SEMA6D: variants seen among roughly 807,000 people sequenced by gnomAD.
SEMA6D encodes the protein semaphorin 6D, also known as semaphorin-6D.
A neutral mutation model predicts 106.6 loss-of-function variants in SEMA6D; 35 were observed. The ratio of observed to expected loss-of-function variants is 0.33; its 90% confidence interval spans 0.25 to 0.44. The LOEUF is 0.44. SEMA6D is among the 20% of genes least tolerant of loss of function. The pLI is 1.00. For missense variants in SEMA6D, 1,185 were observed against 1,345.9 expected (o/e 0.88, Z 1.87); for synonymous variants, 499 against 487.7 (o/e 1.02, Z -0.31).
chr15:47,482,883 T>C (rs2043192674), intron 3 of SEMA6D, among the ~76,000 whole-genome samples: 1 of 152,178 alleles, frequency 6.6e-6, no homozygotes. Flanking sequence ...TAACTATTAT[T>C]TCAACACTTT....
chr15:47,689,007 A>G (rs73392887), intron 4 of SEMA6D, among the ~76,000 whole-genome samples: 7,608 of 152,266 alleles, frequency 0.05, 648 homozygotes, highest in African/African-American at 0.17. Context: ...TTGAATCATT[A>G]CAAATATAAT....
Position 47,601,097 on chromosome 15 carries a change from TGAGAGAGA to T in SEMA6D, c.-55+214_-55+221del, listed in dbSNP as rs144757309. Among the ~76,000 whole-genome samples the T allele has an allele frequency of 1.8e-3, 272 of 148,218 alleles. 2 individuals are homozygous for T. Among genetic ancestry groups the T allele is most frequent in the Middle Eastern group, 3.4e-3 (1 of 290 alleles). On this transcript the variant is annotated intron_variant, in intron 4 of 19. Coordinates refer to the SEMA6D transcript ENST00000558014. ...TCTTAAGAGAAATAGAGAGAGAGAA[TGAGAGAGA>T]GAGAGAGAGAGAAAGAGAGAGAGAG... is the stretch of plus-strand genomic sequence containing the variant.
intron 3 of SEMA6D, among the ~76,000 whole-genome samples, chr15:47,522,979 A>G (rs1327288951): frequency 1.3e-5 from 2 of 152,316 alleles, no homozygotes; most frequent in Middle Eastern, 3.4e-3. Flanking sequence ...GCACAAAGCT[A>G]TAGAATATTG....
chr15:47,687,911 G>A (rs1322147912), intron 4 of SEMA6D, among the ~76,000 whole-genome samples: 1 of 152,128 alleles, frequency 6.6e-6, no homozygotes, highest in Non-Finnish European at 1.5e-5. Flanking sequence ...TTTAAAAAGA[G>A]AAAATAAGGG....
At chr15:47,302,099 T>TA (rs1446580516) in intron 1 of SEMA6D, among the ~76,000 whole-genome samples, 1 of 152,120 alleles carries the variant, frequency 6.6e-6, no homozygotes, top group African/African-American at 2.4e-5. Context: ...TTAATTCTTG[T>TA]AAAATCCCTG....
intron 3 of SEMA6D, among the ~76,000 whole-genome samples, chr15:47,583,593 A>G (rs1050098705): frequency 3.8e-4 from 58 of 152,146 alleles, no homozygotes; most frequent in African/African-American, 1.4e-3. Context: ...TTTTAAAAGT[A>G]GTCACTCCTA....
chr15:47,287,150 A>G (rs1459272102), intron 1 of SEMA6D, among the ~76,000 whole-genome samples: 1 of 152,202 alleles, frequency 6.6e-6, no homozygotes, highest in Admixed American at 6.5e-5. Context: ...TGGGAAGAAT[A>G]AAAGATCTGT....
chr15:47,397,537 C>T (rs2040256315), intron 1 of SEMA6D: 1 of 90,362 alleles, frequency 1.1e-5, no homozygotes, highest in African/African-American at 3.7e-5. Context: ...CTCTCAGAGT[C>T]TTTCTGAACT....
intron 4 of SEMA6D, among the ~76,000 whole-genome samples, chr15:47,693,598 T>A (rs921820397): frequency 6.6e-6 from 1 of 152,104 alleles, no homozygotes; most frequent in Non-Finnish European, 1.5e-5. Flanking sequence ...CTGGAAAGTT[T>A]TGAAAAATTT....
At chr15:47,376,355 C>A (rs1055554472) in intron 1 of SEMA6D, among the ~76,000 whole-genome samples, 26 of 152,202 alleles carry the variant, frequency 1.7e-4, no homozygotes, top group African/African-American at 5.8e-4. Flanking sequence ...CTGAGCACAG[C>A]AAGAAATCCA....
chr15:47,245,030 GTT>G (rs71425590), intron 1 of SEMA6D, among the ~76,000 whole-genome samples: 4 of 147,936 alleles, frequency 2.7e-5, no homozygotes, highest in East Asian at 4.0e-4. Flanking sequence ...ACATGATTTT[GTT>G]TTTTTTTTTC....
intron 3 of SEMA6D, among the ~76,000 whole-genome samples, chr15:47,528,620 C>G (rs1364013115): frequency 2.0e-5 from 3 of 152,180 alleles, no homozygotes; most frequent in Non-Finnish European, 2.9e-5. Flanking sequence ...TAAGGCCCAC[C>G]ACCATGTAGC....
At chr15:47,343,238 T>G (rs886462021) in intron 1 of SEMA6D, among the ~76,000 whole-genome samples, 6 of 147,480 alleles carry the variant, frequency 4.1e-5, no homozygotes, top group African/African-American at 1.3e-4. Flanking sequence ...AACGATGGAT[T>G]AGTTGGATTT....
chr15:47,316,635 A>G (rs1036382673), intron 1 of SEMA6D, among the ~76,000 whole-genome samples: 2 of 133,738 alleles, frequency 1.5e-5, no homozygotes, highest in Non-Finnish European at 3.2e-5. Flanking sequence ...ATAAATGGTT[A>G]TTGGATGTTG....
At chr15:47,324,245 T>C (rs2037037693) in intron 1 of SEMA6D, among the ~76,000 whole-genome samples, 1 of 152,200 alleles carries the variant, frequency 6.6e-6, no homozygotes, top group South Asian at 2.1e-4. Context: ...CATATTAATA[T>C]TTTGTTATAC....
chr15:47,600,273 G>A (rs145691902), intron 3 of SEMA6D, among the ~76,000 whole-genome samples: 1 of 152,140 alleles, frequency 6.6e-6, no homozygotes, highest in East Asian at 1.9e-4. Flanking sequence ...TAGAATTGAT[G>A]GAGTAACTGA....
intron 2 of SEMA6D, among the ~76,000 whole-genome samples, chr15:47,418,244 C>A (rs558635403): frequency 1.3e-5 from 2 of 152,016 alleles, no homozygotes; most frequent in Admixed American, 1.3e-4. Flanking sequence ...AGCTCTGAGA[C>A]AAGAGAATGG....
rs144788987 is a variant in SEMA6D at position 47,375,473 on chromosome 15, G to GA, written c.-238-36916dup. On this transcript the variant is annotated intron_variant, in intron 1 of 19. Coordinates refer to the SEMA6D transcript ENST00000558014. ...CTCTGGTATGCTTATTTACATCAAA[G>GA]AAAACTACTTGTTTTACTTTTTTTC... Among the ~76,000 whole-genome samples the GA allele has an allele frequency of 5.9e-3, 890 of 152,118 alleles. 5 individuals are homozygous for GA. Among genetic ancestry groups the GA allele is most frequent in the East Asian group, 0.048 (250 of 5,172 alleles).
At chr15:47,441,961 T>G (rs1222012501) in intron 2 of SEMA6D, among the ~76,000 whole-genome samples, 1 of 152,054 alleles carries the variant, frequency 6.6e-6, no homozygotes. Flanking sequence ...TTAAGCAGGT[T>G]TTTAATCCAT....
Sources: gnomAD v4.1 joint callset for allele counts (sites outside exome capture counted in the v4.1 genomes callset) on GRCh38, gnomAD v4.1.1 for gene constraint, MANE v1.5 for transcripts, NCBI Gene and HGNC (gene_info 2026-07-23, HGNC 2026-07-21) for gene names.